Variants in PDE1A observed in about 807,000 individuals in gnomAD.
The protein encoded by PDE1A is dual specificity calcium/calmodulin-dependent 3',5'-cyclic nucleotide phosphodiesterase 1A.
Under a neutral mutation model 61.7 loss-of-function variants are expected in PDE1A, and 35 were observed. The observed-to-expected ratio is 0.57, with a 90% confidence interval of 0.43 to 0.75. The LOEUF (loss-of-function observed/expected upper bound fraction) is 0.75, where lower values mean the gene tolerates loss of function less well. Among genes scored for constraint, PDE1A ranks in the 30% least tolerant of loss-of-function variants. PDE1A has a pLI of 0.00. For missense variants in PDE1A, 597 were observed against 630.6 expected, an observed-to-expected ratio of 0.95 and a Z score of 0.57; for synonymous variants, 232 against 213.2, an observed-to-expected ratio of 1.09 and a Z score of -0.77.
chr2:182,526,674 A>G (rs1026265426), upstream of PDE1A, among the ~76,000 whole-genome samples: 22 of 152,238 alleles, frequency 1.4e-4, 1 homozygote, highest in Non-Finnish European at 2.9e-5. Flanking sequence ...AGAAACAGCA[A>G]AACTTAAAAT....
At chr2:182,239,046 G>A (rs1430038016) in intron 3 of PDE1A, among the ~76,000 whole-genome samples, 1 of 152,120 alleles carries the variant, frequency 6.6e-6, no homozygotes, top group Non-Finnish European at 1.5e-5. Context: ...TGATGCTAGA[G>A]AAAAGTCATC....
intron 2 of PDE1A, among the ~76,000 whole-genome samples, chr2:182,491,761 T>G (rs921732542): frequency 1.6e-5 from 2 of 124,592 alleles, no homozygotes; most frequent in Admixed American, 1.5e-4. Context: ...TTGCATATTC[T>G]CATACTTTTT....
At chr2:182,646,037 A>G in the PDE1A span, among the ~76,000 whole-genome samples, 1 of 152,200 alleles carries the variant, frequency 6.6e-6, no homozygotes, top group African/African-American at 2.4e-5. Flanking sequence ...GGGGATATAA[A>G]AGATAAATTT....
At chr2:182,388,419 TCAG>T (rs1346573370) in intron 1 of PDE1A, among the ~76,000 whole-genome samples, 1 of 152,202 alleles carries the variant, frequency 6.6e-6, no homozygotes, top group Non-Finnish European at 1.5e-5. Flanking sequence ...TGATTATATG[TCAG>T]GCCACAAAAT....
At chr2:182,289,357 A>G (rs1304745281) in intron 1 of PDE1A, among the ~76,000 whole-genome samples, 1 of 151,116 alleles carries the variant, frequency 6.6e-6, no homozygotes, top group Non-Finnish European at 1.5e-5. Context: ...GAAGAAAGAC[A>G]TTATGGGCAG....
At chr2:182,411,007 T>G in intron 1 of PDE1A, among the ~76,000 whole-genome samples, 1 of 152,226 alleles carries the variant, frequency 6.6e-6, no homozygotes, top group East Asian at 1.9e-4. Context: ...TACTAAGGTG[T>G]AACATTCATA....
At chr2:182,585,188 G>A in the PDE1A span, among the ~76,000 whole-genome samples, 1 of 152,176 alleles carries the variant, frequency 6.6e-6, no homozygotes, top group African/African-American at 2.4e-5. Flanking sequence ...ACAATCACCT[G>A]GAAAGAATTG....
chr2:182,201,343 T>G (rs1686611081), intron 10 of PDE1A, 96 bp downstream of exon 10: 2 of 1,448,682 alleles, frequency 1.4e-6, no homozygotes, highest in Admixed American at 2.2e-5. Context: ...TTGATAATAG[T>G]AAGTCACAAG....
At chr2:182,614,089 T>C in the PDE1A span, among the ~76,000 whole-genome samples, 1 of 152,250 alleles carries the variant, frequency 6.6e-6, no homozygotes, top group Non-Finnish European at 1.5e-5. Flanking sequence ...TGGTTAAGAA[T>C]GAAGTAAAAA....
At chr2:182,444,219 C>T (rs1553619491) in intron 2 of PDE1A, among the ~76,000 whole-genome samples, 4 of 152,038 alleles carry the variant, frequency 2.6e-5, no homozygotes, top group South Asian at 2.1e-4. Context: ...CTAGAATATG[C>T]TTCCTTCAAA....
the PDE1A span, among the ~76,000 whole-genome samples, chr2:182,592,221 A>T: frequency 6.6e-6 from 1 of 152,254 alleles, no homozygotes; most frequent in African/African-American, 2.4e-5. Flanking sequence ...AATGCCAATA[A>T]CTTAAACACA....
chr2:182,267,429 GCACACACACA>G lies in PDE1A; in HGVS notation c.54-3025_54-3016del, dbSNP rs67567300. Reference sequence around the variant, plus strand: ...AAACCATATCCCCTCATGCACACATGCACACACACACACACACACACACACACACGCCTAT... The same window carrying G: ...AAACCATATCCCCTCATGCACACATGCACACACACACACACACACGCCTAT... On this transcript the variant is annotated intron_variant, in intron 1 of 13. Transcript: ENST00000351439. Among the ~76,000 whole-genome samples, 6 of 146,956 alleles carry G rather than the reference GCACACACACA, an allele frequency of 4.1e-5. No individual in the cohort carries two copies. The South Asian group carries it at 6.5e-4, about 16-fold the overall frequency.
the PDE1A span, among the ~76,000 whole-genome samples, chr2:182,621,159 G>T: frequency 2.0e-5 from 3 of 152,002 alleles, no homozygotes. Context: ...CTGAGAATTG[G>T]GAGCAGATCC....
chr2:182,194,224 T>A (rs1685946459), intron 10 of PDE1A, among the ~76,000 whole-genome samples: 1 of 152,172 alleles, frequency 6.6e-6, no homozygotes, highest in Non-Finnish European at 1.5e-5. Flanking sequence ...GTTATTGTTA[T>A]TTAGTTTAAA....
intron 2 of PDE1A, among the ~76,000 whole-genome samples, chr2:182,255,173 T>C (rs1188583333): frequency 6.6e-6 from 1 of 152,208 alleles, no homozygotes; most frequent in Non-Finnish European, 1.5e-5. Flanking sequence ...AGACATCATT[T>C]GTGCCCTAGA....
At chr2:182,185,801 A>G in intron 13 of PDE1A, 91 bp downstream of exon 13, 1 of 1,583,286 alleles carries the variant, frequency 6.3e-7, no homozygotes, top group Non-Finnish European at 8.6e-7. Context: ...CATATTCTAT[A>G]GAAGAAGAAA....
At chr2:182,611,440 T>G in the PDE1A span, among the ~76,000 whole-genome samples, 2 of 152,344 alleles carry the variant, frequency 1.3e-5, no homozygotes, top group Non-Finnish European at 2.9e-5. Flanking sequence ...GGCACAGTAT[T>G]TCCTCTTTGC....
In PDE1A at chr2:182,306,629, T is replaced by A. The variant is rs188502490; in HGVS notation, c.54-42215A>T. ...GCATAAAAATAGACACATTTGCCAA[T>A]GGAATAGAAGAAAGAACCAAGAAAT... On this transcript the variant is annotated intron_variant, in intron 1 of 13. Coordinates refer to ENST00000351439, the Ensembl canonical transcript of PDE1A. Among the ~76,000 whole-genome samples the A allele has an allele frequency of 3.9e-4, 59 of 152,134 alleles. No individual in the cohort carries two copies. The East Asian group carries it at 8.9e-3, about 23-fold the overall frequency.
chr2:182,225,889 G>A lies in PDE1A; in HGVS notation c.676-1925C>T, dbSNP rs973000649. 1.3e-5 allele frequency among the ~76,000 whole-genome samples: 2 copies of A among 149,826 alleles called. 1 individual carries two copies. Among genetic ancestry groups the A allele is most frequent in the African/African-American group, 5.1e-5 (2 of 39,446 alleles). ...GAAATAATTTTCAGAGCCAAAAGAA[G>A]TTAATATAACTAGCTGTTCTGTGTT... is the stretch of plus-strand genomic sequence containing the variant. On this transcript the variant is annotated intron_variant, in intron 6 of 13. Transcript: ENST00000351439.
Sources: allele counts gnomAD v4.1 joint callset (sites outside exome capture counted in the v4.1 genomes callset), GRCh38; gene constraint gnomAD v4.1.1; transcripts MANE v1.5; gene names NCBI Gene and HGNC (gene_info 2026-07-23, HGNC 2026-07-21).